DLG2: variants seen among roughly 807,000 people sequenced by gnomAD.
DLG2 encodes discs large MAGUK scaffold protein 2.
In DLG2, 45 loss-of-function variants were observed where a neutral mutation model predicts 132.5. The observed-to-expected ratio is 0.34, with a 90% CI of 0.27 to 0.44. The LOEUF is 0.44. Among genes scored for constraint, DLG2 ranks in the 20% least tolerant of loss-of-function variants. The pLI is 1.00. For missense variants in DLG2, 1,045 were observed against 1,196.9 expected (o/e 0.87, Z 1.87); for synonymous variants, 424 against 419.6 (o/e 1.01, Z -0.13).
chr11:85,087,415 A>C (rs1353603786), intron 6 of DLG2, among the ~76,000 whole-genome samples: 1 of 152,250 alleles, frequency 6.6e-6, no homozygotes, highest in Non-Finnish European at 1.5e-5. Flanking sequence ...AGAATGCTCC[A>C]GGCAAATGAG....
chr11:84,907,958 G>A (rs1208708136), intron 6 of DLG2, among the ~76,000 whole-genome samples: 1 of 152,080 alleles, frequency 6.6e-6, no homozygotes, highest in East Asian at 1.9e-4. Context: ...CAAGATCCAG[G>A]ACTACAGAGC....
chr11:83,745,801 T>TAA (rs879827728), intron 18 of DLG2, among the ~76,000 whole-genome samples: 2 of 144,004 alleles, frequency 1.4e-5, no homozygotes. Flanking sequence ...GACGCTGCCT[T>TAA]AAAAAAAAAA....
chr11:83,519,184 G>T (rs1428777503), intron 21 of DLG2, among the ~76,000 whole-genome samples: 1 of 152,194 alleles, frequency 6.6e-6, no homozygotes, highest in Non-Finnish European at 1.5e-5. Context: ...CAGTGGTTCT[G>T]CAGCGGGGTG....
chr11:84,321,189 AT>A (rs2098402470), intron 7 of DLG2, among the ~76,000 whole-genome samples: 2 of 152,108 alleles, frequency 1.3e-5, no homozygotes, highest in African/African-American at 4.8e-5. Context: ...GTCTGTGTAA[AT>A]ATCTTTAACA....
chr11:83,459,603 G>T lies in DLG2; in HGVS notation c.*215C>A. 1 of 439,318 alleles carries T rather than the reference G, an allele frequency of 2.3e-6. No homozygotes were observed. The highest frequency in any genetic ancestry group is 3.6e-5 in the Admixed American group (1 of 27,958). The allele number at this position is 439,318 out of a possible 1,614,324, so 27.2% of individuals were successfully genotyped here. ...CACCTGGCACTTTGAGCAAACCAAA[G>T]CCTTCCTTCATACTGCAATGTCTTT... On this transcript the variant is annotated 3_prime_UTR_variant, in exon 28 of 28. Transcript: ENST00000376104.
chr11:84,978,728 C>CCT (rs1218747361), intron 6 of DLG2, among the ~76,000 whole-genome samples: 1 of 152,146 alleles, frequency 6.6e-6, no homozygotes, highest in East Asian at 1.9e-4. Flanking sequence ...AAAACCTAGG[C>CCT]AATACCTTTC....
intron 6 of DLG2, among the ~76,000 whole-genome samples, chr11:84,630,166 G>A (rs1384426786): frequency 6.6e-6 from 1 of 152,042 alleles, no homozygotes; most frequent in East Asian, 1.9e-4. Flanking sequence ...AATCCTTAAC[G>A]CCACCCAAGA....
At chr11:83,857,818 T>TA (rs2060793444) in intron 16 of DLG2, among the ~76,000 whole-genome samples, 1 of 31,516 alleles carries the variant, frequency 3.2e-5, no homozygotes, top group East Asian at 5.2e-3. Flanking sequence ...TTTTCTGCTC[T>TA]TTTTTTTTTT....
At chr11:83,785,220 A>AT (rs1197267758) in intron 18 of DLG2, among the ~76,000 whole-genome samples, 2 of 151,790 alleles carry the variant, frequency 1.3e-5, no homozygotes, top group African/African-American at 2.4e-5. Flanking sequence ...ACATCTGGCT[A>AT]TTTTTTTGTA....
At chr11:83,772,246 A>G (rs1019197934) in intron 18 of DLG2, among the ~76,000 whole-genome samples, 6 of 152,050 alleles carry the variant, frequency 3.9e-5, no homozygotes, top group African/African-American at 1.4e-4. Context: ...CGTTGCTACC[A>G]AAAATAGAAA....
chr11:85,431,060 A>T (rs1408481757), intron 3 of DLG2, among the ~76,000 whole-genome samples: 2 of 152,168 alleles, frequency 1.3e-5, no homozygotes, highest in African/African-American at 4.8e-5. Flanking sequence ...ATTTCTATAC[A>T]TCAAACATGT....
intron 3 of DLG2, among the ~76,000 whole-genome samples, chr11:85,496,265 G>A (rs1348540733): frequency 6.6e-6 from 1 of 152,206 alleles, no homozygotes; most frequent in Non-Finnish European, 1.5e-5. Context: ...GCCTGGCTCA[G>A]CAGGTCTCAC....
intron 3 of DLG2, among the ~76,000 whole-genome samples, chr11:85,454,585 CATT>C (rs1385063666): frequency 2.0e-5 from 3 of 151,996 alleles, no homozygotes; most frequent in African/African-American, 4.8e-5. Context: ...CTTTTGGCAT[CATT>C]GTCATGAAAT....
intron 11 of DLG2, among the ~76,000 whole-genome samples, chr11:83,988,396 T>C (rs2093481254): frequency 6.6e-6 from 1 of 152,144 alleles, no homozygotes; most frequent in African/African-American, 2.4e-5. Flanking sequence ...CTTAGCAGGC[T>C]CTTTTTTGGT....
At chr11:83,784,072 G>A (rs544950036) in intron 18 of DLG2, among the ~76,000 whole-genome samples, 3 of 152,122 alleles carry the variant, frequency 2.0e-5, no homozygotes, top group Non-Finnish European at 4.4e-5. Context: ...ATTTGATTAT[G>A]ACTGAAAAAT....
At chr11:85,021,344 T>C in intron 6 of DLG2, 1 of 1,284,752 alleles carries the variant, frequency 7.8e-7, no homozygotes, top group Non-Finnish European at 1.1e-6. Context: ...GAGCCATACA[T>C]CTGTGCTGCA....
intron 4 of DLG2, among the ~76,000 whole-genome samples, chr11:85,256,731 G>A (rs2076689528): frequency 6.6e-6 from 1 of 152,052 alleles, no homozygotes. Flanking sequence ...GTGAGGGGGG[G>A]TCAGGGAACT....
At chr11:85,282,447 T>A (rs1417908982) in intron 4 of DLG2, among the ~76,000 whole-genome samples, 1 of 151,956 alleles carries the variant, frequency 6.6e-6, no homozygotes, top group African/African-American at 2.4e-5. Flanking sequence ...TATATGTTTG[T>A]ATCAAAATAT....
intron 4 of DLG2, among the ~76,000 whole-genome samples, chr11:85,230,328 C>T (rs1327722506): frequency 6.6e-6 from 1 of 151,406 alleles, no homozygotes; most frequent in Non-Finnish European, 1.5e-5. Flanking sequence ...TTGTGTAGAT[C>T]TAAGTTTATA....
Sources: gnomAD v4.1 joint callset for allele counts (sites outside exome capture counted in the v4.1 genomes callset) on GRCh38, gnomAD v4.1.1 for gene constraint, MANE v1.5 for transcripts, NCBI Gene and HGNC (gene_info 2026-07-23, HGNC 2026-07-21) for gene names.